The following PPP2R5E variants were observed in gnomAD, a reference collection of about 807,000 sequenced individuals.
The protein encoded by PPP2R5E is protein phosphatase 2 regulatory subunit B'epsilon.
PPP2R5E carries 4 observed loss-of-function variants against 65.3 expected under a neutral mutation model. The observed-to-expected ratio is 0.06, with a 90% CI of 0.03 to 0.14. The LOEUF is 0.14. PPP2R5E is among the 10% of genes least tolerant of loss of function. The probability of loss-of-function intolerance (pLI) is 1.00; values close to 1 mark genes in which losing one functional copy is unlikely to be tolerated. For missense variants in PPP2R5E, 274 were observed against 556.1 expected (o/e 0.49, Z 5.10); for synonymous variants, 183 against 187.4 (o/e 0.98, Z 0.19).
intron 6 of PPP2R5E, 88 bp from the exon 7 acceptor site, chr14:63,395,373 G>A: frequency 2.7e-6 from 2 of 740,850 alleles, no homozygotes; most frequent in East Asian, 6.1e-5. Context: ...AGGAGAAGGG[G>A]GAGGAGGAGG....
chr14:63,418,598 C>T (rs1886827809), intron 4 of PPP2R5E, among the ~76,000 whole-genome samples: 1 of 152,116 alleles, frequency 6.6e-6, no homozygotes, highest in Non-Finnish European at 1.5e-5. Flanking sequence ...GTTTGTCAGT[C>T]TCAAACGGAA....
In PPP2R5E at chr14:63,458,267, A is replaced by G. The variant is rs534089778; in HGVS notation, c.158-4382T>C. Among the ~76,000 whole-genome samples, 12 of 152,308 alleles carry G rather than the reference A, an allele frequency of 7.9e-5. No homozygotes were observed. In the South Asian group the frequency reaches 2.3e-3, roughly 29 times the overall value. The stretch of plus-strand genomic sequence containing the variant: ...CTCACCCTAATCATGATTTAAAGGG[A>G]AGGTTGTTTACAATTTGCAGAAGTA... On this transcript the variant is annotated intron_variant, in intron 2 of 13. Transcript: ENST00000337537.
chr14:63,412,155 C>A (rs1289152093), intron 5 of PPP2R5E, among the ~76,000 whole-genome samples: 1 of 152,200 alleles, frequency 6.6e-6, no homozygotes, highest in Non-Finnish European at 1.5e-5. Flanking sequence ...AAAAAGCCAA[C>A]TGTGTAACAA....
intron 2 of PPP2R5E, among the ~76,000 whole-genome samples, chr14:63,519,209 C>T (rs746929629): frequency 2.0e-5 from 3 of 150,336 alleles, no homozygotes; most frequent in Non-Finnish European, 3.0e-5. Flanking sequence ...AGCGAGACTC[C>T]GTCTCAAAAA....
chr14:63,523,586 T>A (rs1452105286), intron 2 of PPP2R5E, among the ~76,000 whole-genome samples: 2 of 151,488 alleles, frequency 1.3e-5, no homozygotes, highest in Admixed American at 6.6e-5. Flanking sequence ...GGCCGCAGGG[T>A]CCTCCGCCTA....
intron 5 of PPP2R5E, among the ~76,000 whole-genome samples, chr14:63,412,571 C>T (rs1886450954): frequency 6.6e-6 from 1 of 152,196 alleles, no homozygotes; most frequent in South Asian, 2.1e-4. Flanking sequence ...AGAAGGTTGA[C>T]AGAACGAAGA....
At chr14:63,416,643 AC>A (rs1265909299) in intron 4 of PPP2R5E, among the ~76,000 whole-genome samples, 4 of 151,908 alleles carry the variant, frequency 2.6e-5, no homozygotes, top group Non-Finnish European at 5.9e-5. Flanking sequence ...AGTGAAAAAA[AC>A]TTTAAAATTT....
chr14:63,442,749 G>T (rs533636611), intron 3 of PPP2R5E, among the ~76,000 whole-genome samples: 1 of 152,106 alleles, frequency 6.6e-6, no homozygotes, highest in Non-Finnish European at 1.5e-5. Context: ...TAGGATATAC[G>T]TATGGGATTC....
chr14:63,437,550 T>C (rs1888004204), intron 3 of PPP2R5E, among the ~76,000 whole-genome samples: 5 of 152,166 alleles, frequency 3.3e-5, no homozygotes, highest in African/African-American at 4.8e-5. Context: ...AGTTTCTCTA[T>C]TGTCTACAAT....
At chr14:63,438,037 G>T (rs570548090) in intron 3 of PPP2R5E, among the ~76,000 whole-genome samples, 2 of 152,150 alleles carry the variant, frequency 1.3e-5, no homozygotes, top group East Asian at 1.9e-4. Flanking sequence ...ACTTGCTCCT[G>T]AGAAGTCACT....
intron 2 of PPP2R5E, among the ~76,000 whole-genome samples, chr14:63,515,577 C>T (rs1388956348): frequency 6.6e-6 from 1 of 151,874 alleles, no homozygotes; most frequent in African/African-American, 2.4e-5. Context: ...GTAGCCCAGA[C>T]TGGTGTGATC....
rs1232304359 is a variant in PPP2R5E at position 63,375,321 on chromosome 14, T to C, written c.*688A>G. On this transcript the variant is annotated 3_prime_UTR_variant, in exon 14 of 14. Transcript: ENST00000337537. ...ACCATAAACTGATGCATGAATCCGA[T>C]ATTCCCTTCCCTACTATGTTTATCA... 1.3e-5 allele frequency: 2 copies of C among 152,632 alleles called. No homozygotes were observed. The highest frequency in any genetic ancestry group is 2.9e-5 in the Non-Finnish European group (2 of 68,014). 9.5% of individuals were successfully genotyped at this position (152,632 alleles called of 1,614,324 possible).
chr14:63,423,741 A>G (rs144548266), intron 3 of PPP2R5E, among the ~76,000 whole-genome samples: 70 of 152,352 alleles, frequency 4.6e-4, no homozygotes, highest in African/African-American at 1.6e-3. Context: ...CATCCAGTAA[A>G]TAATTATTAA....
intron 2 of PPP2R5E, among the ~76,000 whole-genome samples, chr14:63,475,561 T>A (rs1890367126): frequency 6.6e-6 from 1 of 152,246 alleles, no homozygotes; most frequent in African/African-American, 2.4e-5. Context: ...TATATCACTG[T>A]TTTTTTATAT....
intron 2 of PPP2R5E, among the ~76,000 whole-genome samples, chr14:63,516,142 C>A (rs542618785): frequency 3.9e-5 from 6 of 152,180 alleles, no homozygotes; most frequent in South Asian, 4.1e-4. Context: ...AGCCACCACA[C>A]CCGGCATAGC....
In PPP2R5E at chr14:63,422,194, A is replaced by G; in HGVS notation, c.355-100T>C. On this transcript the variant is annotated intron_variant, in intron 3 of 13. Transcript: ENST00000337537. ...CTGAGGGGAACCCAGATAACAATGCACAAGGAACATCACCAAACTAGAATA... is the reference window on the plus strand; with the variant it reads ...CTGAGGGGAACCCAGATAACAATGCGCAAGGAACATCACCAAACTAGAATA... 3 of 919,716 alleles carry G rather than the reference A, an allele frequency of 3.3e-6. No individual in the cohort carries two copies. In the South Asian group the frequency reaches 4.3e-5, roughly 13 times the overall value. The allele number at this position is 919,716 out of a possible 1,614,324, so 57.0% of individuals were successfully genotyped here. A position where few individuals can be genotyped will look rare whatever the true frequency, so the allele number is the denominator to read the frequency against.
At chr14:63,412,584 T>A (rs1432569450) in intron 5 of PPP2R5E, among the ~76,000 whole-genome samples, 1 of 152,160 alleles carries the variant, frequency 6.6e-6, no homozygotes, top group Non-Finnish European at 1.5e-5. Flanking sequence ...AACGAAGAAC[T>A]CGGTCTAGAG....
chr14:63,445,340 A>T (rs1888423223), intron 3 of PPP2R5E, among the ~76,000 whole-genome samples: 1 of 152,252 alleles, frequency 6.6e-6, no homozygotes, highest in African/African-American at 2.4e-5. Flanking sequence ...CGTAGTCTAT[A>T]AAGTGCACAA....
Position 63,389,747 on chromosome 14 carries a change from A to G in PPP2R5E, c.955-16T>C. On this transcript the variant is annotated splice_polypyrimidine_tract_variant and intron_variant, in intron 10 of 13. Transcript: ENST00000337537. ...GGAACATGACCTGTAAGTACAAGCA[A>G]AATACAAGATGTGAGGCACATCATG... 6.3e-7 allele frequency: 1 copy of G among 1,579,084 alleles called. No homozygotes were observed. The highest frequency in any genetic ancestry group is 8.6e-7 in the Non-Finnish European group (1 of 1,164,582).
Sources: gnomAD v4.1 joint callset for allele counts (sites outside exome capture counted in the v4.1 genomes callset) on GRCh38, gnomAD v4.1.1 for gene constraint, MANE v1.5 for transcripts, NCBI Gene and HGNC (gene_info 2026-07-23, HGNC 2026-07-21) for gene names.